The following CNTNAP2 variants were observed in gnomAD, a reference collection of about 807,000 sequenced individuals.
CNTNAP2 encodes the protein contactin-associated protein-like 2.
Under a neutral mutation model 155.2 loss-of-function variants are expected in CNTNAP2, and 98 were observed. That is an observed-to-expected ratio of 0.63 (90% CI 0.54 to 0.75). The LOEUF is 0.75. Ranked by LOEUF, CNTNAP2 falls within the 30% of genes least tolerant of loss-of-function variation. The probability of loss-of-function intolerance (pLI) is 0.00; values close to 1 mark genes in which losing one functional copy is unlikely to be tolerated. For missense variants in CNTNAP2, 1,727 were observed against 1,688.1 expected (o/e 1.02, Z -0.40); for synonymous variants, 651 against 631.2 (o/e 1.03, Z -0.47).
chr7:147,208,077 GA>G (rs1465046517), intron 8 of CNTNAP2, among the ~76,000 whole-genome samples: 1 of 152,040 alleles, frequency 6.6e-6, no homozygotes, highest in African/African-American at 2.4e-5. Context: ...AGCAGTACAT[GA>G]ACATATTCCT....
At chr7:146,191,621 C>T (rs1453062148) in intron 1 of CNTNAP2, among the ~76,000 whole-genome samples, 3 of 152,128 alleles carry the variant, frequency 2.0e-5, no homozygotes, top group Non-Finnish European at 4.4e-5. Flanking sequence ...CCGTATAAGA[C>T]AGACACTCCC....
chr7:147,774,596 G>A (rs1797529109), intron 13 of CNTNAP2, among the ~76,000 whole-genome samples: 1 of 152,084 alleles, frequency 6.6e-6, no homozygotes, highest in Non-Finnish European at 1.5e-5. Context: ...GATCTGCTAG[G>A]ATTAGTCCTC....
chr7:148,393,062 A>G (rs1563071078), intron 22 of CNTNAP2, among the ~76,000 whole-genome samples: 3 of 152,208 alleles, frequency 2.0e-5, no homozygotes, highest in South Asian at 4.1e-4. Context: ...TGGCCATAAA[A>G]TATTTTTATA....
chr7:147,728,827 A>G (rs1796687524), intron 13 of CNTNAP2, among the ~76,000 whole-genome samples: 1 of 151,890 alleles, frequency 6.6e-6, no homozygotes, highest in Non-Finnish European at 1.5e-5. Context: ...AGCCAAGGAA[A>G]AATGAATTGT....
At chr7:147,312,447 T>G (rs1795144876) in intron 9 of CNTNAP2, among the ~76,000 whole-genome samples, 2 of 131,992 alleles carry the variant, frequency 1.5e-5, no homozygotes, top group South Asian at 2.8e-4. Context: ...GAGTGTGATA[T>G]TCCCCTTCCT....
chr7:146,120,099 G>A (rs890202636), intron 1 of CNTNAP2, among the ~76,000 whole-genome samples: 3 of 151,638 alleles, frequency 2.0e-5, no homozygotes, highest in Non-Finnish European at 4.4e-5. Flanking sequence ...AGTAACTAAC[G>A]CAACAATATT....
chr7:147,624,065 A>G (rs1794922758), intron 12 of CNTNAP2, among the ~76,000 whole-genome samples: 1 of 152,190 alleles, frequency 6.6e-6, no homozygotes, highest in South Asian at 2.1e-4. Flanking sequence ...CATATGCGGA[A>G]GAATGAAACT....
intron 2 of CNTNAP2, among the ~76,000 whole-genome samples, chr7:146,798,076 C>A (rs1802803052): frequency 6.6e-6 from 1 of 152,010 alleles, no homozygotes; most frequent in Non-Finnish European, 1.5e-5. Context: ...GAGTTTGAGA[C>A]CAGCTGGGAC....
At chr7:147,475,605 T>G (rs1189746399) in intron 10 of CNTNAP2, among the ~76,000 whole-genome samples, 1 of 152,166 alleles carries the variant, frequency 6.6e-6, no homozygotes, top group African/African-American at 2.4e-5. Flanking sequence ...CAATTTGTCT[T>G]TGTATTTGGC....
Position 148,398,544 on chromosome 7 carries a change from A to G in CNTNAP2, c.3716-10847A>G, listed in dbSNP as rs529333126. Among the ~76,000 whole-genome samples the G allele has an allele frequency of 1.8e-4, 27 of 152,374 alleles. No individual in the cohort carries two copies. In the South Asian group the frequency reaches 5.6e-3, roughly 32 times the overall value. On this transcript the variant is annotated intron_variant, in intron 22 of 23. Transcript: ENST00000361727. ...CAAAGGGTCCATCCACAGCCAAAGTATGGCCTTTGAATTTACTAGAAATTT... is the reference window on the plus strand; with the variant it reads ...CAAAGGGTCCATCCACAGCCAAAGTGTGGCCTTTGAATTTACTAGAAATTT...
intron 10 of CNTNAP2, among the ~76,000 whole-genome samples, chr7:147,481,001 A>G (rs893327719): frequency 5.3e-5 from 8 of 152,220 alleles, no homozygotes; most frequent in African/African-American, 1.9e-4. Context: ...AACAGCAGTT[A>G]TTCTGATACA....
intron 15 of CNTNAP2, among the ~76,000 whole-genome samples, chr7:148,023,844 T>C (rs1802328437): frequency 1.3e-5 from 2 of 152,196 alleles, no homozygotes; most frequent in South Asian, 4.1e-4. Flanking sequence ...GAAAGTCCTG[T>C]AACTCTACCT....
At chr7:146,222,775 C>G (rs147830891) in intron 1 of CNTNAP2, among the ~76,000 whole-genome samples, 2,101 of 151,664 alleles carry the variant, frequency 0.014, 55 homozygotes, top group African/African-American at 0.048. Flanking sequence ...TCTGCCTCAG[C>G]CTCCCAAGTA....
intron 4 of CNTNAP2, among the ~76,000 whole-genome samples, chr7:147,076,913 A>G (rs1345342877): frequency 6.6e-6 from 1 of 152,184 alleles, no homozygotes; most frequent in African/African-American, 2.4e-5. Context: ...TTCTCTTTTA[A>G]TGGACGTTGC....
At chr7:147,355,617 T>C (rs1214947391) in intron 9 of CNTNAP2, among the ~76,000 whole-genome samples, 1 of 151,986 alleles carries the variant, frequency 6.6e-6, no homozygotes, top group Non-Finnish European at 1.5e-5. Flanking sequence ...TCACCACTGA[T>C]CCCACAGAAA....
intron 1 of CNTNAP2, among the ~76,000 whole-genome samples, chr7:146,626,372 G>C (rs1799419278): frequency 6.6e-6 from 1 of 152,056 alleles, no homozygotes; most frequent in African/African-American, 2.4e-5. Flanking sequence ...TGTTCTGAGA[G>C]GGTTGATTTA....
chr7:148,109,343 G>A (rs1315541867), intron 15 of CNTNAP2, among the ~76,000 whole-genome samples: 2 of 151,252 alleles, frequency 1.3e-5, no homozygotes, highest in Non-Finnish European at 2.9e-5. Context: ...AACTGGGAAA[G>A]AAGAGAGGTG....
intron 1 of CNTNAP2, among the ~76,000 whole-genome samples, chr7:146,673,571 G>C (rs772730338): frequency 6.6e-6 from 1 of 152,032 alleles, no homozygotes. Context: ...ATCCCATTAC[G>C]ACAACCATAC....
chr7:146,643,517 A>T (rs537644219), intron 1 of CNTNAP2, among the ~76,000 whole-genome samples: 13 of 151,866 alleles, frequency 8.6e-5, no homozygotes, highest in Non-Finnish European at 1.5e-4. Flanking sequence ...CCATTGATCT[A>T]TATCTCTGTT....
Sources: allele counts gnomAD v4.1 joint callset (sites outside exome capture counted in the v4.1 genomes callset), GRCh38; gene constraint gnomAD v4.1.1; transcripts MANE v1.5; gene names NCBI Gene and HGNC (gene_info 2026-07-23, HGNC 2026-07-21).